Variants in RNF141 observed in about 807,000 individuals in gnomAD.
RNF141 encodes the protein C3HC4-like zinc finger protein.
Under a neutral mutation model 27.4 loss-of-function variants are expected in RNF141, and 18 were observed. That is an observed-to-expected ratio of 0.66 (90% CI 0.45 to 0.97). The LOEUF (loss-of-function observed/expected upper bound fraction) is 0.97. Among genes scored for constraint, RNF141 ranks in the 50% least tolerant of loss-of-function variants. The pLI is 0.00. For synonymous variants in RNF141, 97 were observed against 96.6 expected, an observed-to-expected ratio of 1.00 and a Z score of -0.02; for missense variants, 230 against 279.4, an observed-to-expected ratio of 0.82 and a Z score of 1.26.
At chr11:10,535,259 A>C (rs1850023803) in intron 1 of RNF141, among the ~76,000 whole-genome samples, 1 of 151,878 alleles carries the variant, frequency 6.6e-6, no homozygotes, top group Non-Finnish European at 1.5e-5. Context: ...TAGTAACCCC[A>C]AAATATGTAA....
chr11:10,525,915 C>A (rs1214543613), intron 3 of RNF141, among the ~76,000 whole-genome samples: 1 of 152,096 alleles, frequency 6.6e-6, no homozygotes, highest in Admixed American at 6.5e-5. Context: ...TATCAAAAAA[C>A]TCGTTTAATA....
At chr11:10,537,176 G>C (rs936116371) in intron 1 of RNF141, among the ~76,000 whole-genome samples, 28 of 152,330 alleles carry the variant, frequency 1.8e-4, no homozygotes, top group African/African-American at 6.5e-4. Flanking sequence ...CCATCCAGAA[G>C]TGGAAATGGC....
chr11:10,518,917 C>T, intron 5 of RNF141, 117 bp downstream of exon 5: 1 of 674,496 alleles, frequency 1.5e-6, no homozygotes, highest in Non-Finnish European at 2.5e-6. Flanking sequence ...ATTCAAAGTA[C>T]TAAAGAATAA....
intron 4 of RNF141, 67 bp downstream of exon 4, chr11:10,525,125 T>A: frequency 2.4e-6 from 3 of 1,233,876 alleles, no homozygotes; most frequent in East Asian, 2.6e-5. Flanking sequence ...ACAGCAAAAA[T>A]ATTAATAGAT....
chr11:10,532,531 A>G (rs895682811), intron 2 of RNF141, among the ~76,000 whole-genome samples: 1 of 102,638 alleles, frequency 9.7e-6, no homozygotes, highest in African/African-American at 3.0e-5. Context: ...ACACACACAC[A>G]CACACACCCC....
chr11:10,532,502 C>G (rs1342949333), intron 2 of RNF141, among the ~76,000 whole-genome samples: 1 of 66,156 alleles, frequency 1.5e-5, no homozygotes, highest in Non-Finnish European at 3.6e-5. Context: ...TTTCTACACA[C>G]ACACACACAC....
At chr11:10,531,680 AACATTAATTTAAATCAGTTCGAAG>A (rs1416071957) in intron 2 of RNF141, 1 of 173,110 alleles carries the variant, frequency 5.8e-6, no homozygotes, top group African/African-American at 2.4e-5. Context: ...TCATGCTATC[AACATTAATTTAAATCAGTTCGAAG>A]ACATGCTTAA....
intron 3 of RNF141, among the ~76,000 whole-genome samples, chr11:10,526,719 T>C (rs1274843735): frequency 6.6e-6 from 1 of 151,634 alleles, no homozygotes; most frequent in Non-Finnish European, 1.5e-5. Context: ...GAGGCGGAGG[T>C]TGCAGTGAGC....
At position 10,514,735 on chromosome 11, in the gene RNF141, C is replaced by T. The variant is rs1002554641; in HGVS notation, c.*181G>A. ...TCTAAAACAGTAGCAAATTTTAGTA[C>T]CACAAATGGAAGACATGGGAAGTTT... is the stretch of plus-strand genomic sequence containing the variant. On this transcript the variant is annotated 3_prime_UTR_variant, in exon 6 of 6. Transcript: ENST00000265981. 3.8e-6 allele frequency: 2 copies of T among 525,538 alleles called. No individual in the cohort carries two copies. The highest frequency in any genetic ancestry group is 4.0e-5 in the African/African-American group (2 of 50,528). 32.6% of individuals were successfully genotyped at this position (525,538 alleles called of 1,614,324 possible). A position where few individuals can be genotyped will look rare whatever the true frequency, so the allele number is the denominator to read the frequency against.
At chr11:10,523,237 G>A (rs1206855459) in intron 4 of RNF141, among the ~76,000 whole-genome samples, 1 of 152,204 alleles carries the variant, frequency 6.6e-6, no homozygotes, top group Non-Finnish European at 1.5e-5. Flanking sequence ...AAACCACTGA[G>A]TAATAAATTT....
chr11:10,525,471 A>T (rs1395923908), intron 3 of RNF141, 98 bp from the exon 4 acceptor site: 1 of 893,614 alleles, frequency 1.1e-6, no homozygotes, highest in Non-Finnish European at 1.7e-6. Flanking sequence ...CATCCTAGGA[A>T]ATAGGAGTTT....
chr11:10,539,452 C>G (rs1850066115), intron 1 of RNF141, among the ~76,000 whole-genome samples: 1 of 151,704 alleles, frequency 6.6e-6, no homozygotes, highest in African/African-American at 2.4e-5. Context: ...ATGATTTTCA[C>G]TGTCAAGTCA....
chr11:10,540,330 C>T (rs1397098734), intron 1 of RNF141, among the ~76,000 whole-genome samples: 2 of 152,130 alleles, frequency 1.3e-5, no homozygotes, highest in Non-Finnish European at 2.9e-5. Context: ...AGGACAGTGT[C>T]AGAATATAAA....
At chr11:10,529,203 C>T (rs1410577703) in intron 3 of RNF141, among the ~76,000 whole-genome samples, 1 of 152,218 alleles carries the variant, frequency 6.6e-6, no homozygotes, top group Non-Finnish European at 1.5e-5. Context: ...TAATCATATT[C>T]CCTCTGTCAG....
Position 10,514,453 on chromosome 11 carries a change from GT to G in RNF141, c.*462del, listed in dbSNP as rs1411806364. On this transcript the variant is annotated 3_prime_UTR_variant, in exon 6 of 6. Transcript: ENST00000265981. ...TCCTTAGATTCCAGCAGAAAGACTA[GT>G]TTTAAGTAGTAACATGCACGTTGAA... is the stretch of plus-strand genomic sequence containing the variant. 1 of 152,922 alleles carries G rather than the reference GT, an allele frequency of 6.5e-6. No individual in the cohort carries two copies. The highest frequency in any genetic ancestry group is 1.5e-5 in the Non-Finnish European group (1 of 68,308). 9.5% of individuals were successfully genotyped at this position (152,922 alleles called of 1,614,324 possible).
intron 2 of RNF141, among the ~76,000 whole-genome samples, chr11:10,531,134 T>C (rs1849981974): frequency 6.6e-6 from 1 of 152,088 alleles, no homozygotes; most frequent in Admixed American, 6.5e-5. Context: ...CCCAGCACTT[T>C]GGGAGGCCAA....
At chr11:10,535,141 C>G (rs1433240910) in intron 1 of RNF141, among the ~76,000 whole-genome samples, 1 of 150,748 alleles carries the variant, frequency 6.6e-6, no homozygotes, top group Non-Finnish European at 1.5e-5. Flanking sequence ...TCACATAAAG[C>G]AGGTGAAACA....
intron 3 of RNF141, among the ~76,000 whole-genome samples, chr11:10,530,022 G>A (rs557611946): frequency 6.6e-6 from 1 of 152,286 alleles, no homozygotes; most frequent in East Asian, 1.9e-4. Context: ...ATATGCATAT[G>A]GATGATTTTG....
intron 3 of RNF141, among the ~76,000 whole-genome samples, chr11:10,528,152 CAG>C (rs1179741322): frequency 3.9e-5 from 6 of 151,902 alleles, no homozygotes; most frequent in Non-Finnish European, 5.9e-5. Context: ...TAGCAGATGG[CAG>C]AGAGTCAAGA....
Sources: allele counts gnomAD v4.1 joint callset (sites outside exome capture counted in the v4.1 genomes callset), GRCh38; gene constraint gnomAD v4.1.1; transcripts MANE v1.5; gene names NCBI Gene and HGNC (gene_info 2026-07-23, HGNC 2026-07-21).